The following ARID1A variants were observed in gnomAD, a reference collection of about 807,000 sequenced individuals.
ARID1A encodes AT-rich interactive domain-containing protein 1A.
In ARID1A, 20 loss-of-function variants were observed where a neutral mutation model predicts 212.6. The observed-to-expected ratio is 0.09, with a 90% CI of 0.07 to 0.14. ARID1A has a LOEUF of 0.14. Among genes scored for constraint, ARID1A ranks in the 10% least tolerant of loss-of-function variants. ARID1A has a pLI of 1.00. For missense variants in ARID1A, 2,587 were observed against 3,059.0 expected (o/e 0.85, Z 3.64); for synonymous variants, 1,376 against 1,222.1 (o/e 1.13, Z -2.63).
Position 26,696,305 on chromosome 1 carries a change from G to C in ARID1A, c.-99G>C, listed in dbSNP as rs1048593166. Reference sequence around the variant, plus strand: ...CCCGCGAGGCCCGCCCGGGCGGGTGGGGAGGGCAGCCCGGGGGACTGGGCC... The same window carrying C: ...CCCGCGAGGCCCGCCCGGGCGGGTGCGGAGGGCAGCCCGGGGGACTGGGCC... On this transcript the variant is annotated 5_prime_UTR_variant, in exon 1 of 20. Coordinates refer to ENST00000324856, the MANE Select transcript of ARID1A (RefSeq NM_006015.6). The C allele has an allele frequency of 8.4e-7, 1 of 1,189,648 alleles. No individual in the cohort carries two copies. Among genetic ancestry groups the C allele is most frequent in the Admixed American group, 4.5e-5 (1 of 22,288 alleles). 73.7% of individuals were successfully genotyped at this position (1,189,648 alleles called of 1,614,324 possible). A position where few individuals can be genotyped will look rare whatever the true frequency, so the allele number is the denominator to read the frequency against.
intron 4 of ARID1A, among the ~76,000 whole-genome samples, chr1:26,738,506 A>G (rs930707768): frequency 1.3e-5 from 2 of 152,176 alleles, no homozygotes; most frequent in African/African-American, 4.8e-5. Context: ...TACTGAATAG[A>G]TGAACCTGAG....
Position 26,766,280 on chromosome 1 carries a change from G to A in ARID1A, c.2792G>A (p.Gly931Glu), listed in dbSNP as rs2124079677. 1 of 1,614,132 alleles carries A rather than the reference G, an allele frequency of 6.2e-7. No homozygotes were observed. Among genetic ancestry groups the A allele is most frequent in the East Asian group, 2.2e-5 (1 of 44,886 alleles). Residue 931 changes from glycine to glutamate, a missense_variant, in exon 9 of 20, where the codon GGA becomes GAA. Physicochemically the swap from Gly to Glu is moderately conservative, Grantham distance 98. Around this residue, in one of 11 missense-constraint regions of ARID1A, gnomAD observed 674 missense variants for 813.4 expected, o/e 0.83. Coordinates refer to ENST00000324856, the MANE Select transcript of ARID1A (RefSeq NM_006015.6). The part of the protein sequence containing the change: ...GGMMGTGPPY[G>E]QGINSMAGMI... ...ATGATGGGAACTGGACCTCCTTATG[G>A]ACAAGGGATTAATAGTATGGCTGGC...
intron 1 of ARID1A, among the ~76,000 whole-genome samples, chr1:26,728,653 C>T (rs545922972): frequency 3.3e-5 from 5 of 152,142 alleles, no homozygotes; most frequent in Non-Finnish European, 7.4e-5. Context: ...GTATCTATTT[C>T]ACCCCCAATG....
At chr1:26,770,190 G>A (rs1312982007) in intron 11 of ARID1A, 1 of 152,202 alleles carries the variant, frequency 6.6e-6, no homozygotes, top group Non-Finnish European at 1.5e-5. Flanking sequence ...TCGAGCCTGG[G>A]TGACAGAGTG....
intron 4 of ARID1A, among the ~76,000 whole-genome samples, chr1:26,742,290 G>A (rs545461375): frequency 1.4e-4 from 22 of 152,184 alleles, no homozygotes; most frequent in Non-Finnish European, 2.6e-4. Flanking sequence ...TGGAAAGAGC[G>A]AGTGGTAGGA....
rs150076443 is a variant in ARID1A, at chr1:26,779,545, A to T, written c.5647A>T (p.Thr1883Ser). The T allele has an allele frequency of 2.4e-5, 38 of 1,614,044 alleles. No individual in the cohort carries two copies. Among genetic ancestry groups the T allele is most frequent in the Admixed American group, 5.0e-5 (3 of 60,002 alleles). ...PCPPAPRKHV[T>S]TAEGTPGTTD... ...CCCACCAGCCCCTCGGAAGCATGTG[A>T]CAACAGCAGAGGGTACACCAGGGAC... Residue 1883 changes from threonine (T) to serine (S), a missense_variant, in exon 20 of 20, where the codon ACA becomes TCA. Thr to Ser is a moderately conservative substitution (Grantham distance 58, BLOSUM62 1). Transcript: ENST00000324856.
At position 26,774,448 on chromosome 1, in the gene ARID1A, A is replaced by C. The variant is rs1570615952; in HGVS notation, c.4221A>C (p.Pro1407=). ...QGQPQQQQLP[P]AQPQPASQQQ... ...AGCCTCAGCAGCAGCAGTTGCCCCC[A>C]GCCCAGCCCCAGCCTGCCAGCCAGC... Residue 1407 remains proline, a synonymous_variant, in exon 18 of 20, where the codon CCA becomes CCC. Coordinates refer to ENST00000324856, the MANE Select transcript of ARID1A (RefSeq NM_006015.6). This position sits in a 1 kb window ranked among gnomAD's most constrained non-coding sequence, Gnocchi z 5.6. The C allele has an allele frequency of 6.2e-7, 1 of 1,613,610 alleles. No homozygotes were observed. Among genetic ancestry groups the C allele is most frequent in the Non-Finnish European group, 8.5e-7 (1 of 1,179,734 alleles).
intron 1 of ARID1A, among the ~76,000 whole-genome samples, chr1:26,720,706 A>G (rs1253263906): frequency 6.6e-6 from 1 of 151,892 alleles, no homozygotes; most frequent in East Asian, 1.9e-4. Flanking sequence ...GTGAAACCCC[A>G]TCTCTACAAA....
chr1:26,699,863 A>G (rs911596871), intron 1 of ARID1A, among the ~76,000 whole-genome samples: 1 of 151,926 alleles, frequency 6.6e-6, no homozygotes, highest in Non-Finnish European at 1.5e-5. Context: ...GAAAAAGCCA[A>G]CTCTTTTGGT....
chr1:26,721,061 T>C (rs2080560073), intron 1 of ARID1A, among the ~76,000 whole-genome samples: 1 of 152,118 alleles, frequency 6.6e-6, no homozygotes, highest in African/African-American at 2.4e-5. Flanking sequence ...TGCCTCTCAG[T>C]TTACTGCTCT....
rs1410190496 is a variant in ARID1A at position 26,775,566 on chromosome 1, G to T, written c.4994-11G>T. ...GGCTTGGTGGATAGACGACATGGAGGTTTATTTCAGGAACCCCGGAGGCAT... is the reference window on the plus strand; with the variant it reads ...GGCTTGGTGGATAGACGACATGGAGTTTTATTTCAGGAACCCCGGAGGCAT... On this transcript the variant is annotated splice_polypyrimidine_tract_variant and intron_variant, in intron 18 of 19. Transcript: ENST00000324856. 3.7e-6 allele frequency: 6 copies of T among 1,613,874 alleles called. No individual in the cohort carries two copies. The South Asian group carries it at 6.6e-5, about 18-fold the overall frequency.
chr1:26,751,167 A>C (rs770958875), intron 4 of ARID1A, among the ~76,000 whole-genome samples: 3 of 152,020 alleles, frequency 2.0e-5, no homozygotes, highest in Non-Finnish European at 4.4e-5. Context: ...AGGCAGGAGA[A>C]TCACTAGAAC....
Position 26,780,885 on chromosome 1 carries a change from T to C in ARID1A, c.*129T>C, listed in dbSNP as rs1462893445. On this transcript the variant is annotated 3_prime_UTR_variant, in exon 20 of 20. Transcript: ENST00000324856. The surrounding 1 kb of genome is among the most constrained non-coding windows in gnomAD (Gnocchi z 7.2). Reference sequence around the variant, plus strand: ...TACCCTGTGCTGTCCAGCTTCTCCCTTGGGAAAAAGTCTCTCCTGTTTCTC... The same window carrying C: ...TACCCTGTGCTGTCCAGCTTCTCCCCTGGGAAAAAGTCTCTCCTGTTTCTC... The C allele has an allele frequency of 5.2e-6, 7 of 1,343,528 alleles. No individual in the cohort carries two copies. Among genetic ancestry groups the C allele is most frequent in the Non-Finnish European group, 7.0e-6 (7 of 1,001,664 alleles). 83.2% of individuals were successfully genotyped at this position (1,343,528 alleles called of 1,614,324 possible).
At chr1:26,739,698 C>A (rs969338690) in intron 4 of ARID1A, among the ~76,000 whole-genome samples, 61 of 152,256 alleles carry the variant, frequency 4.0e-4, no homozygotes, top group African/African-American at 1.3e-3. Flanking sequence ...GGTAACGGAG[C>A]CCTTGCCCTG....
In ARID1A at chr1:26,775,126, C is replaced by T. The variant is rs770198517; in HGVS notation, c.4899C>T (p.Pro1633=). ...SHIAPAPVQP[P]MIRRDITFPP... ...TAGCACCTGCCCCTGTGCAGCCCCC[C>T]ATGATTCGGCGGGATATCACCTTCC... The change falls in exon 18 of 20, where the codon CCC becomes CCT. Residue 1633 remains proline, a synonymous_variant. Transcript: ENST00000324856. 4 of 1,614,052 alleles carry T rather than the reference C, an allele frequency of 2.5e-6. No individual in the cohort carries two copies. Among genetic ancestry groups the T allele is most frequent in the Non-Finnish European group, 3.4e-6 (4 of 1,180,004 alleles).
rs201164050 is a variant in ARID1A, at chr1:26,763,133, C to T, written c.2580C>T (p.His860=). 19 of 1,614,154 alleles carry T rather than the reference C, an allele frequency of 1.2e-5. No individual in the cohort carries two copies. The highest frequency in any genetic ancestry group is 8.9e-5 in the East Asian group (4 of 44,900). ...CACTCCCTCCAGGGAGGATGAGTCA[C>T]GCCTCCATGGGCAACCGGCCTTATG... ...YGTLPPGRMS[H]ASMGNRPYGP... Residue 860 remains histidine (H), a synonymous_variant, in exon 8 of 20, where the codon CAC becomes CAT. Transcript: ENST00000324856.
intron 8 of ARID1A, chr1:26,765,487 C>CA (rs779270296): frequency 0.06 from 7,976 of 132,884 alleles, 281 homozygotes; most frequent in Middle Eastern, 0.1. Context: ...GACTCCATCT[C>CA]AAAAAAAAAA....
At chr1:26,735,761 T>C (rs1304300302) in intron 4 of ARID1A, among the ~76,000 whole-genome samples, 1 of 152,212 alleles carries the variant, frequency 6.6e-6, no homozygotes, top group East Asian at 1.9e-4. Context: ...GGATGGCACT[T>C]TGAGAACCTC....
At chr1:26,742,875 C>T (rs1277432154) in intron 4 of ARID1A, among the ~76,000 whole-genome samples, 2 of 152,128 alleles carry the variant, frequency 1.3e-5, no homozygotes, top group Non-Finnish European at 2.9e-5. Context: ...GAAGCTGAGG[C>T]AGGAGAATCC....
Sources: gnomAD v4.1 joint callset for allele counts (sites outside exome capture counted in the v4.1 genomes callset) on GRCh38, gnomAD v4.1.1 for gene constraint, gnomAD v4.1.1 regional missense constraint, Gnocchi (gnomAD v3.1) non-coding constraint, MANE v1.5 for transcripts, NCBI Gene and HGNC (gene_info 2026-07-23, HGNC 2026-07-21) for gene names.